The following GRM1 variants were observed in gnomAD, a reference collection of about 807,000 sequenced individuals.
GRM1 encodes the protein metabotropic glutamate receptor 1.
In GRM1, 33 loss-of-function variants were observed where a neutral mutation model predicts 90.9. The observed-to-expected ratio is 0.36, with a 90% CI of 0.28 to 0.49. The LOEUF is 0.49. Among genes scored for constraint, GRM1 ranks in the 20% least tolerant of loss-of-function variants. The pLI is 0.99. For synonymous variants in GRM1, 700 were observed against 613.2 expected, an observed-to-expected ratio of 1.14 and a Z score of -2.09; for missense variants, 1,190 against 1,534.3, an observed-to-expected ratio of 0.78 and a Z score of 3.75.
Position 146,433,525 on chromosome 6 carries a change from AGTGTGTGTGT to A in GRM1, c.2661-322_2661-313del, listed in dbSNP as rs72224796. On this transcript the variant is annotated intron_variant, in intron 7 of 7. Coordinates refer to ENST00000282753, the MANE Select transcript of GRM1 (RefSeq NM_001278064.2). The stretch of plus-strand genomic sequence containing the variant: ...CTCCATCAGTTGGGAGTTTTTCAAA[AGTGTGTGTGT>A]GTGTGTGTGTGTGTGTGTGTGTGTC... Among the ~76,000 whole-genome samples, 962 of 148,190 alleles carry A rather than the reference AGTGTGTGTGT, an allele frequency of 6.5e-3. 10 individuals are homozygous for A. Among genetic ancestry groups the A allele is most frequent in the African/African-American group, 0.02 (811 of 40,258 alleles).
At chr6:146,302,265 CA>C (rs1207359795) in intron 2 of GRM1, among the ~76,000 whole-genome samples, 1 of 150,776 alleles carries the variant, frequency 6.6e-6, no homozygotes, top group African/African-American at 2.4e-5. Flanking sequence ...CTCTGTCCCC[CA>C]CTACCTCACA....
chr6:146,434,424 T>G lies in GRM1; in HGVS notation c.3213T>G (p.Pro1071=), dbSNP rs1047006. The stretch of plus-strand genomic sequence containing the variant: ...GGTCCCTGTACCCGCCCCCGCCACC[T>G]CCGCAGCACCTGCAGATGCTGCCGC... The part of the protein sequence containing the change: ...GLRSLYPPPP[P]PQHLQMLPLQ... The change falls in exon 8 of 8, where the codon CCT becomes CCG. Residue 1071 remains proline (P), a synonymous_variant. Transcript: ENST00000282753. 0.35 allele frequency: 570,847 copies of G among 1,613,082 alleles called. 107,186 individuals are homozygous for G. The highest frequency in any genetic ancestry group is 0.39 in the Non-Finnish European group (460,289 of 1,179,492).
At chr6:146,368,474 A>G (rs1775781728) in intron 5 of GRM1, among the ~76,000 whole-genome samples, 1 of 152,012 alleles carries the variant, frequency 6.6e-6, no homozygotes, top group African/African-American at 2.4e-5. Flanking sequence ...AAAGATTTCA[A>G]TTTTTCCCTA....
At chr6:146,125,064 A>C (rs1206026209) in intron 1 of GRM1, among the ~76,000 whole-genome samples, 1 of 152,142 alleles carries the variant, frequency 6.6e-6, no homozygotes, top group Admixed American at 6.6e-5. Flanking sequence ...GTCACTCCAA[A>C]TAGGTTTGAG....
chr6:146,404,785 T>A (rs1777279735), intron 7 of GRM1, among the ~76,000 whole-genome samples: 1 of 152,178 alleles, frequency 6.6e-6, no homozygotes, highest in African/African-American at 2.4e-5. Context: ...ACTTTTTCTA[T>A]AAATCACAAG....
chr6:146,085,488 C>G (rs561153824), intron 1 of GRM1, among the ~76,000 whole-genome samples: 104 of 152,200 alleles, frequency 6.8e-4, no homozygotes, highest in African/African-American at 2.4e-3. Context: ...TTAGATCACT[C>G]GTAAGTCTCT....
chr6:146,115,811 G>A (rs1349566567), intron 1 of GRM1, among the ~76,000 whole-genome samples: 1 of 152,020 alleles, frequency 6.6e-6, no homozygotes, highest in Non-Finnish European at 1.5e-5. Flanking sequence ...GTTCTAGTTG[G>A]TTTTTGAGAT....
At chr6:146,349,040 G>C (rs1291507050) in intron 3 of GRM1, among the ~76,000 whole-genome samples, 1 of 122,672 alleles carries the variant, frequency 8.2e-6, no homozygotes, top group Non-Finnish European at 1.7e-5. Flanking sequence ...ACAAGAAGTG[G>C]TAGCTATTAT....
intron 1 of GRM1, among the ~76,000 whole-genome samples, chr6:146,156,558 T>A (rs1777536047): frequency 6.6e-6 from 1 of 152,254 alleles, no homozygotes; most frequent in African/African-American, 2.4e-5. Context: ...TGGTGTAATG[T>A]GCTCTAGCAC....
chr6:146,160,191 G>A (rs60741265), intron 2 of GRM1, among the ~76,000 whole-genome samples: 18,812 of 152,148 alleles, frequency 0.12, 2,122 homozygotes, highest in African/African-American at 0.29. Context: ...AATTTACAGA[G>A]TTGGCTAAAG....
intron 2 of GRM1, 44 bp downstream of exon 2, chr6:146,159,641 T>TCTCTCTCTCACACA (rs372590505): frequency 1.7e-5 from 12 of 726,912 alleles, no homozygotes; most frequent in South Asian, 6.0e-5. Flanking sequence ...TCTCTCTCTC[T>TCTCTCTCTCACACA]CACACACACA....
At chr6:146,291,407 T>TG (rs1782978916) in intron 2 of GRM1, among the ~76,000 whole-genome samples, 1 of 151,038 alleles carries the variant, frequency 6.6e-6, no homozygotes, top group African/African-American at 2.4e-5. Flanking sequence ...TATTTTATAC[T>TG]TTGTAAAGCC....
intron 3 of GRM1, among the ~76,000 whole-genome samples, chr6:146,311,331 G>C (rs780893340): frequency 6.6e-6 from 1 of 152,210 alleles, no homozygotes; most frequent in Non-Finnish European, 1.5e-5. Context: ...TTCTCATACA[G>C]TGCTGTTATA....
intron 3 of GRM1, among the ~76,000 whole-genome samples, chr6:146,306,433 G>T (rs1171388946): frequency 1.3e-5 from 2 of 152,128 alleles, no homozygotes; most frequent in African/African-American, 4.8e-5. Context: ...ACACCTCCTA[G>T]ACAACATAGT....
At chr6:146,094,472 A>G (rs10457794) in intron 1 of GRM1, among the ~76,000 whole-genome samples, 56,457 of 152,002 alleles carry the variant, frequency 0.37, 11,202 homozygotes, top group Middle Eastern at 0.52. Context: ...ACAAAATATT[A>G]TCTTTGCATG....
At chr6:146,314,651 A>T (rs1033643023) in intron 3 of GRM1, among the ~76,000 whole-genome samples, 1 of 152,154 alleles carries the variant, frequency 6.6e-6, no homozygotes. Context: ...TCACAAAGGG[A>T]TTGAACACTG....
chr6:146,427,312 C>T (rs1159017132), intron 7 of GRM1, among the ~76,000 whole-genome samples: 1 of 152,188 alleles, frequency 6.6e-6, no homozygotes, highest in Admixed American at 6.5e-5. Context: ...TAGCTCTTGA[C>T]AGTGTCTTTT....
chr6:146,325,084 C>G (rs927205534), intron 3 of GRM1, among the ~76,000 whole-genome samples: 3 of 152,138 alleles, frequency 2.0e-5, no homozygotes, highest in Non-Finnish European at 2.9e-5. Flanking sequence ...GTTGGAAGAG[C>G]TTGTCAACAA....
intron 1 of GRM1, among the ~76,000 whole-genome samples, chr6:146,110,771 A>G (rs1775527313): frequency 6.6e-6 from 1 of 152,172 alleles, no homozygotes; most frequent in East Asian, 1.9e-4. Flanking sequence ...AACTATGCCA[A>G]ACTAGATGTT....
Sources: allele counts gnomAD v4.1 joint callset (sites outside exome capture counted in the v4.1 genomes callset), GRCh38; gene constraint gnomAD v4.1.1; transcripts MANE v1.5; gene names NCBI Gene and HGNC (gene_info 2026-07-23, HGNC 2026-07-21).